The following CACNA2D1 variants were observed in gnomAD, a reference collection of about 807,000 sequenced individuals.
CACNA2D1 encodes the protein calcium voltage-gated channel auxiliary subunit alpha2delta 1.
A neutral mutation model predicts 171.5 loss-of-function variants in CACNA2D1; 53 were observed. That is an observed-to-expected ratio of 0.31 (90% CI 0.25 to 0.39). The LOEUF (loss-of-function observed/expected upper bound fraction) is 0.39. Among genes scored for constraint, CACNA2D1 ranks in the 10% least tolerant of loss-of-function variants. CACNA2D1 has a pLI of 1.00. For synonymous variants in CACNA2D1, 442 were observed against 443.1 expected (o/e 1.00, Z 0.03); for missense variants, 903 against 1,299.8 (o/e 0.69, Z 4.69).
At chr7:82,170,488 T>G in intron 4 of CACNA2D1, 62 bp downstream of exon 4, 1 of 1,055,496 alleles carries the variant, frequency 9.5e-7, no homozygotes, top group Non-Finnish European at 1.5e-6. Flanking sequence ...TTAATATGCA[T>G]GTAATTATCC....
chr7:82,309,975 A>T (rs1308206956), intron 3 of CACNA2D1, among the ~76,000 whole-genome samples: 1 of 152,206 alleles, frequency 6.6e-6, no homozygotes, highest in Non-Finnish European at 1.5e-5. Context: ...AGTCATAAAA[A>T]TGTCTGTATC....
intron 1 of CACNA2D1, among the ~76,000 whole-genome samples, chr7:82,410,214 T>C (rs1224168295): frequency 1.3e-5 from 2 of 152,152 alleles, no homozygotes; most frequent in African/African-American, 4.8e-5. Flanking sequence ...TAAACACACA[T>C]GCAGAATTTT....
At chr7:81,983,477 T>G in intron 22 of CACNA2D1, 143 bp from the exon 23 acceptor site, 1 of 698,966 alleles carries the variant, frequency 1.4e-6, no homozygotes, top group Non-Finnish European at 2.5e-6. Context: ...TATGTACAGC[T>G]GTAGTCTGAG....
intron 11 of CACNA2D1, among the ~76,000 whole-genome samples, chr7:82,036,460 C>T (rs901367776): frequency 2.0e-5 from 3 of 152,130 alleles, no homozygotes; most frequent in East Asian, 3.9e-4. Flanking sequence ...TTTTCCCTTC[C>T]TCTACCTACC....
At chr7:82,086,636 A>G (rs903948102) in intron 6 of CACNA2D1, among the ~76,000 whole-genome samples, 2 of 152,188 alleles carry the variant, frequency 1.3e-5, no homozygotes, top group Admixed American at 6.5e-5. Flanking sequence ...TCTCTTAAAC[A>G]TTTATGACTT....
At chr7:81,987,497 A>G (rs888936918) in intron 21 of CACNA2D1, among the ~76,000 whole-genome samples, 3 of 152,234 alleles carry the variant, frequency 2.0e-5, no homozygotes, top group African/African-American at 7.2e-5. Flanking sequence ...TCTCTAAAAA[A>G]AGAGAAAGCA....
intron 3 of CACNA2D1, among the ~76,000 whole-genome samples, chr7:82,246,940 T>A (rs1804997359): frequency 6.6e-6 from 1 of 152,060 alleles, no homozygotes; most frequent in Non-Finnish European, 1.5e-5. Flanking sequence ...AGGGTCTTCT[T>A]CCACTTCTCC....
chr7:82,160,124 A>G (rs1156310186), intron 4 of CACNA2D1, among the ~76,000 whole-genome samples: 1 of 151,966 alleles, frequency 6.6e-6, no homozygotes, highest in Non-Finnish European at 1.5e-5. Context: ...AACTGGAAAC[A>G]GACTGATTTC....
intron 3 of CACNA2D1, among the ~76,000 whole-genome samples, chr7:82,236,690 T>C (rs1389445808): frequency 6.6e-6 from 1 of 152,078 alleles, no homozygotes; most frequent in East Asian, 1.9e-4. Context: ...GTCCCTTTCT[T>C]ATTAGTAGTG....
intron 3 of CACNA2D1, among the ~76,000 whole-genome samples, chr7:82,182,431 T>G (rs1197641484): frequency 6.6e-6 from 1 of 152,144 alleles, no homozygotes; most frequent in Non-Finnish European, 1.5e-5. Context: ...GGTCTGATTA[T>G]TCTACCAAAA....
At chr7:82,206,244 T>C (rs1256469248) in intron 3 of CACNA2D1, among the ~76,000 whole-genome samples, 2 of 152,028 alleles carry the variant, frequency 1.3e-5, no homozygotes, top group Non-Finnish European at 2.9e-5. Flanking sequence ...TGTTGGTAGA[T>C]AAATATATAT....
chr7:82,064,391 A>C (rs1453578365), intron 8 of CACNA2D1, 37 bp from the exon 9 acceptor site: 1 of 1,471,248 alleles, frequency 6.8e-7, no homozygotes, highest in South Asian at 1.1e-5. Context: ...TTTCTCTTCC[A>C]AAATATCAAA....
chr7:82,321,266 G>T (rs1011435272), intron 3 of CACNA2D1, among the ~76,000 whole-genome samples: 1 of 152,064 alleles, frequency 6.6e-6, no homozygotes, highest in Non-Finnish European at 1.5e-5. Context: ...CGGCATGGTG[G>T]TGCGCGCTTG....
intron 8 of CACNA2D1, among the ~76,000 whole-genome samples, 198 bp from the exon 9 acceptor site, chr7:82,064,552 G>A (rs564898639): frequency 3.9e-5 from 6 of 152,158 alleles, no homozygotes; most frequent in African/African-American, 1.4e-4. Context: ...TAACAATAGA[G>A]ATGTCAGAAG....
At chr7:82,415,394 C>T (rs2129456009) in intron 1 of CACNA2D1, among the ~76,000 whole-genome samples, 1 of 152,120 alleles carries the variant, frequency 6.6e-6, no homozygotes, top group African/African-American at 2.4e-5. Context: ...ATTAGCTGGG[C>T]ATGGTGGTGG....
intron 4 of CACNA2D1, among the ~76,000 whole-genome samples, chr7:82,147,589 C>A (rs1020608360): frequency 2.6e-5 from 4 of 152,112 alleles, no homozygotes; most frequent in African/African-American, 9.7e-5. Context: ...GACTCAGACA[C>A]CCCACAGATC....
chr7:82,148,548 T>C (rs574973393), intron 4 of CACNA2D1, among the ~76,000 whole-genome samples: 1 of 152,308 alleles, frequency 6.6e-6, no homozygotes, highest in African/African-American at 2.4e-5. Flanking sequence ...AGACTTTTCA[T>C]TATTAAGTAA....
At chr7:82,198,450 C>T (rs1799069022) in intron 3 of CACNA2D1, among the ~76,000 whole-genome samples, 1 of 152,060 alleles carries the variant, frequency 6.6e-6, no homozygotes, top group African/African-American at 2.4e-5. Context: ...TTCTTTGCTG[C>T]ATGTTAGAAA....
At chr7:82,114,764 A>G (rs77428693) in intron 6 of CACNA2D1, among the ~76,000 whole-genome samples, 2 of 150,792 alleles carry the variant, frequency 1.3e-5, no homozygotes, top group African/African-American at 4.8e-5. Flanking sequence ...CCAGAAGAAA[A>G]AAAAAAAAAA....
Sources: gnomAD v4.1 joint callset for allele counts (sites outside exome capture counted in the v4.1 genomes callset) on GRCh38, gnomAD v4.1.1 for gene constraint, MANE v1.5 for transcripts, NCBI Gene and HGNC (gene_info 2026-07-23, HGNC 2026-07-21) for gene names.